The following POLR2G variants were observed in gnomAD, a reference collection of about 807,000 sequenced individuals.
The protein encoded by POLR2G is DNA-directed RNA polymerase II subunit RPB7.
In POLR2G, 19 loss-of-function variants were observed where a neutral mutation model predicts 25.7. The ratio of observed to expected loss-of-function variants is 0.74; its 90% CI spans 0.52 to 1.08. The LOEUF (loss-of-function observed/expected upper bound fraction) is 1.08, where lower values mean the gene tolerates loss of function less well. Among genes scored for constraint, POLR2G ranks in the 50% least tolerant of loss-of-function variants. The pLI, the probability that POLR2G is intolerant of heterozygous loss-of-function variation, is 0.00. For missense variants in POLR2G, 123 were observed against 218.5 expected, an observed-to-expected ratio of 0.56 and a Z score of 2.76; for synonymous variants, 79 against 76.0, an observed-to-expected ratio of 1.04 and a Z score of -0.21.
chr11:62,765,440 G>A (rs768358592), intron 5 of POLR2G, 35 bp downstream of exon 5: 1 of 1,547,710 alleles, frequency 6.5e-7, no homozygotes. Flanking sequence ...GAGACAAGGA[G>A]AGAATCAGCC....
chr11:62,765,989 A>T (rs936304549), intron 6 of POLR2G, among the ~76,000 whole-genome samples: 1 of 151,856 alleles, frequency 6.6e-6, no homozygotes, highest in African/African-American at 2.4e-5. Context: ...GGGTTTCACC[A>T]TGTTAGCCAG....
intron 2 of POLR2G, 37 bp downstream of exon 2, chr11:62,761,941 A>G: frequency 6.9e-7 from 1 of 1,443,494 alleles, no homozygotes; most frequent in Non-Finnish European, 9.7e-7. Context: ...AGATCGTTCG[A>G]TGCGCACACG....
intron 3 of POLR2G, among the ~76,000 whole-genome samples, 160 bp downstream of exon 3, chr11:62,763,186 G>T (rs2084097691): frequency 6.8e-6 from 1 of 146,278 alleles, no homozygotes; most frequent in South Asian, 2.2e-4. Flanking sequence ...AGGCTGGAGT[G>T]CAGTGGTGCG....
chr11:62,762,189 A>G (rs779642779), intron 2 of POLR2G: 12 of 434,878 alleles, frequency 2.8e-5, no homozygotes, highest in Non-Finnish European at 4.3e-5. Context: ...AACAAGGTAG[A>G]ATGGGAACAA....
intron 1 of POLR2G, 47 bp downstream of exon 1, chr11:62,761,707 G>C: frequency 3.7e-6 from 6 of 1,610,148 alleles, no homozygotes; most frequent in Non-Finnish European, 5.1e-6. Context: ...GAAAGGAAGA[G>C]CAAGGCCAGG....
chr11:62,763,129 CTTTTTTTTTT>C, intron 3 of POLR2G, 103 bp downstream of exon 3: 1 of 274,284 alleles, frequency 3.6e-6, no homozygotes, highest in East Asian at 6.5e-5. Flanking sequence ...AGTCACTTCA[CTTTTTTTTTT>C]TTTTTTTTTT....
intron 2 of POLR2G, chr11:62,762,661 A>G (rs1481054250): frequency 1.6e-5 from 10 of 638,892 alleles, no homozygotes; most frequent in Admixed American, 1.1e-4. Context: ...TTTATTGTGA[A>G]ATTACCAGAA....
chr11:62,765,064 G>A (rs2084108415), intron 3 of POLR2G, 118 bp from the exon 4 acceptor site: 4 of 789,072 alleles, frequency 5.1e-6, no homozygotes, highest in Non-Finnish European at 8.7e-6. Flanking sequence ...TCACCATGTT[G>A]GTCAGGCTGG....
At chr11:62,765,083 T>G in intron 3 of POLR2G, 99 bp from the exon 4 acceptor site, 1 of 983,622 alleles carries the variant, frequency 1.0e-6, no homozygotes, top group Non-Finnish European at 1.6e-6. Context: ...GGTCTGAAAC[T>G]CCTGACCTCG....
At chr11:62,763,936 T>A (rs1210323801) in intron 3 of POLR2G, among the ~76,000 whole-genome samples, 1 of 151,102 alleles carries the variant, frequency 6.6e-6, no homozygotes, top group Non-Finnish European at 1.5e-5. Context: ...GAGATGGGGT[T>A]TCTCCATGTT....
chr11:62,764,495 TAAAAA>T (rs942652054), intron 3 of POLR2G, among the ~76,000 whole-genome samples: 4 of 150,152 alleles, frequency 2.7e-5, no homozygotes, highest in African/African-American at 7.3e-5. Flanking sequence ...AATGAAAGCT[TAAAAA>T]AAAAGAGAAA....
intron 5 of POLR2G, 90 bp from the exon 6 acceptor site, chr11:62,765,563 C>A: frequency 1.8e-6 from 2 of 1,106,474 alleles, no homozygotes; most frequent in South Asian, 1.2e-5. Context: ...GATGTGCATT[C>A]AATATGCCCC....
chr11:62,766,538 C>G lies in POLR2G; in HGVS notation c.*31C>G, dbSNP rs775561133. 22 of 1,605,946 alleles carry G rather than the reference C, an allele frequency of 1.4e-5. No individual in the cohort carries two copies. The highest frequency in any genetic ancestry group is 1.8e-5 in the Non-Finnish European group (21 of 1,172,872). The stretch of plus-strand genomic sequence containing the variant: ...GTGGCCTCCTACCCTTGGTCCTACT[C>G]TAGGAAGTGTGATTGTCACACTTAT... On this transcript the variant is annotated 3_prime_UTR_variant, in exon 8 of 8. Coordinates refer to ENST00000301788, the MANE Select transcript of POLR2G (RefSeq NM_002696.3).
chr11:62,762,316 A>G, intron 2 of POLR2G: 1 of 272,264 alleles, frequency 3.7e-6, no homozygotes, highest in South Asian at 3.8e-5. Flanking sequence ...ACCACACACC[A>G]TGGGCCTCTA....
intron 3 of POLR2G, 38 bp downstream of exon 3, chr11:62,763,064 T>C: frequency 6.9e-7 from 1 of 1,455,844 alleles, no homozygotes; most frequent in Non-Finnish European, 9.4e-7. Context: ...GGGTAGTCTC[T>C]CGGAAGATCT....
chr11:62,761,634 A>G lies in POLR2G; in HGVS notation c.-15A>G, dbSNP rs1333112391. ...TCGGAGGTGTGGACTCTGCCTGCCTACCTGGTCTGGGAAGATGTTCTACCA... is the reference window on the plus strand; with the variant it reads ...TCGGAGGTGTGGACTCTGCCTGCCTGCCTGGTCTGGGAAGATGTTCTACCA... On this transcript the variant is annotated 5_prime_UTR_variant, in exon 1 of 8. Transcript: ENST00000301788. 6.2e-7 allele frequency: 1 copy of G among 1,608,618 alleles called. No individual in the cohort carries two copies.
At chr11:62,762,708 T>C (rs2134855055) in intron 2 of POLR2G, 159 bp from the exon 3 acceptor site, 1 of 637,592 alleles carries the variant, frequency 1.6e-6, no homozygotes, top group South Asian at 1.7e-5. Context: ...CTCTGTTCTG[T>C]CTTCTTTTGG....
chr11:62,763,128 A>AAT, intron 3 of POLR2G, 102 bp downstream of exon 3: 20 of 412,028 alleles, frequency 4.9e-5, no homozygotes, highest in South Asian at 1.0e-4. Flanking sequence ...AAGTCACTTC[A>AAT]CTTTTTTTTT....
chr11:62,763,003 G>A lies in POLR2G; in HGVS notation c.259G>A (p.Ala87Thr). 3 of 1,606,518 alleles carry A rather than the reference G, an allele frequency of 1.9e-6. No homozygotes were observed. The highest frequency in any genetic ancestry group is 2.2e-5 in the South Asian group (2 of 90,664). ...GCCATTTAAAGGGGAGGTCGTGGAT[G>A]CTGTTGTCACTCAGGTCAACAAGGT... ...FRPFKGEVVD[A>T]VVTQVNKVGL... Residue 87 changes from alanine (A) to threonine (T), a missense_variant, in exon 3 of 8, where the codon GCT becomes ACT. By Grantham distance (58) the Ala-to-Thr change is moderately conservative. Transcript: ENST00000301788.
Sources: allele counts gnomAD v4.1 joint callset (sites outside exome capture counted in the v4.1 genomes callset), GRCh38; gene constraint gnomAD v4.1.1; transcripts MANE v1.5; gene names NCBI Gene and HGNC (gene_info 2026-07-23, HGNC 2026-07-21).